Variants in PDE10A observed in about 807,000 individuals in gnomAD.
PDE10A encodes the protein phosphodiesterase 10A.
Under a neutral mutation model 97.7 loss-of-function variants are expected in PDE10A, and 39 were observed. That is an observed-to-expected ratio of 0.40 (90% CI 0.31 to 0.52). The LOEUF (loss-of-function observed/expected upper bound fraction) is 0.52. Among genes scored for constraint, PDE10A ranks in the 20% least tolerant of loss-of-function variants. The pLI, the probability that PDE10A is intolerant of heterozygous loss-of-function variation, is 0.56. For synonymous variants in PDE10A, 371 were observed against 376.8 expected, an observed-to-expected ratio of 0.98 and a Z score of 0.18; for missense variants, 731 against 1,047.8, an observed-to-expected ratio of 0.70 and a Z score of 4.17.
chr6:165,576,098 C>A (rs1051982939), intron 1 of PDE10A, among the ~76,000 whole-genome samples: 3 of 152,044 alleles, frequency 2.0e-5, no homozygotes, highest in Non-Finnish European at 4.4e-5. Context: ...TGTAACCCAC[C>A]CTATGAAAAA....
chr6:165,361,235 A>G lies in PDE10A; in HGVS notation c.2784-17733T>C. On this transcript the variant is annotated intron_variant, in intron 18 of 21. Transcript: ENST00000539869. ...AAAGACATGTACAGAGCACTCCACCAAACACCACAGAATATATATTCTTTT... is the reference window on the plus strand; with the variant it reads ...AAAGACATGTACAGAGCACTCCACCGAACACCACAGAATATATATTCTTTT... 2.0e-5 allele frequency among the ~76,000 whole-genome samples: 3 copies of G among 152,196 alleles called. No individual in the cohort carries two copies. In the East Asian group the frequency reaches 5.8e-4, roughly 29 times the overall value.
intron 3 of PDE10A, among the ~76,000 whole-genome samples, chr6:165,467,970 T>C (rs903010554): frequency 2.0e-5 from 3 of 152,196 alleles, no homozygotes; most frequent in Non-Finnish European, 4.4e-5. Flanking sequence ...TGCTGATACA[T>C]CAGAAGCCAT....
intron 20 of PDE10A, among the ~76,000 whole-genome samples, chr6:165,338,730 T>G (rs980273757): frequency 3.9e-5 from 6 of 152,152 alleles, no homozygotes; most frequent in African/African-American, 1.4e-4. Context: ...CCCCTCTATT[T>G]CAAGTCAGAA....
intron 16 of PDE10A, among the ~76,000 whole-genome samples, chr6:165,390,361 G>C (rs1052454130): frequency 2.0e-5 from 3 of 152,160 alleles, no homozygotes; most frequent in Non-Finnish European, 4.4e-5. Context: ...GTTGTTTTCA[G>C]AAAGAATGCG....
intron 1 of PDE10A, among the ~76,000 whole-genome samples, chr6:165,922,206 A>C (rs1562799299): frequency 6.6e-6 from 1 of 152,290 alleles, no homozygotes; most frequent in African/African-American, 2.4e-5. Context: ...GATTAAGAAA[A>C]AAATGCACAA....
intron 1 of PDE10A, among the ~76,000 whole-genome samples, chr6:165,952,210 C>T (rs112125726): frequency 3.2e-4 from 49 of 152,352 alleles, no homozygotes; most frequent in African/African-American, 1.2e-3. Context: ...CACCAGCAGC[C>T]CCCATGGCCT....
intron 3 of PDE10A, among the ~76,000 whole-genome samples, chr6:165,469,448 G>A (rs1422534067): frequency 3.9e-5 from 6 of 152,192 alleles, no homozygotes; most frequent in African/African-American, 1.4e-4. Context: ...GAGCAGCAAA[G>A]TTCCTGAAAA....
intron 18 of PDE10A, among the ~76,000 whole-genome samples, chr6:165,357,905 T>C (rs1310852977): frequency 1.3e-5 from 2 of 152,148 alleles, no homozygotes; most frequent in East Asian, 3.9e-4. Context: ...ACTCTTTTTT[T>C]CTAGCTGCTT....
intron 3 of PDE10A, among the ~76,000 whole-genome samples, chr6:165,455,017 T>C (rs1392571199): frequency 6.6e-6 from 1 of 152,136 alleles, no homozygotes; most frequent in Non-Finnish European, 1.5e-5. Flanking sequence ...ATAGCACAGA[T>C]CTTCCTCCTG....
intron 1 of PDE10A, among the ~76,000 whole-genome samples, chr6:165,827,440 T>C (rs1196470033): frequency 1.3e-5 from 2 of 152,176 alleles, no homozygotes; most frequent in African/African-American, 4.8e-5. Flanking sequence ...TGGTGGTCTC[T>C]CCAATTCAAC....
chr6:165,802,350 C>A (rs1319075977), intron 1 of PDE10A, among the ~76,000 whole-genome samples: 1 of 152,226 alleles, frequency 6.6e-6, no homozygotes, highest in African/African-American at 2.4e-5. Flanking sequence ...TATCCCCTGG[C>A]ATTCTTCAAC....
chr6:165,958,254 G>A (rs1583347283), intron 1 of PDE10A, among the ~76,000 whole-genome samples: 2 of 152,210 alleles, frequency 1.3e-5, no homozygotes, highest in East Asian at 3.9e-4. Context: ...CGCCAGGCAG[G>A]AGGTTTGAAC....
chr6:165,412,201 A>G (rs1226795186), intron 13 of PDE10A, among the ~76,000 whole-genome samples: 2 of 152,164 alleles, frequency 1.3e-5, no homozygotes, highest in African/African-American at 4.8e-5. Flanking sequence ...AGGGTAATTA[A>G]TAAAATAAAG....
At chr6:165,876,282 T>C (rs1422872664) in intron 1 of PDE10A, among the ~76,000 whole-genome samples, 1 of 152,224 alleles carries the variant, frequency 6.6e-6, no homozygotes, top group African/African-American at 2.4e-5. Flanking sequence ...AAACTCATCA[T>C]AGCTATTACC....
intron 1 of PDE10A, among the ~76,000 whole-genome samples, chr6:165,706,294 T>A (rs1022029395): frequency 2.6e-5 from 4 of 152,232 alleles, no homozygotes; most frequent in African/African-American, 9.6e-5. Flanking sequence ...GCCTTAATCC[T>A]ATGCTTACTA....
intron 1 of PDE10A, among the ~76,000 whole-genome samples, chr6:165,859,894 C>A (rs1780851071): frequency 6.6e-6 from 1 of 152,078 alleles, no homozygotes; most frequent in South Asian, 2.1e-4. Context: ...TCTCAGCAAC[C>A]TGGGTGGGAT....
intron 1 of PDE10A, among the ~76,000 whole-genome samples, chr6:165,599,031 C>T (rs1490553270): frequency 1.3e-5 from 2 of 152,198 alleles, no homozygotes; most frequent in African/African-American, 4.8e-5. Flanking sequence ...ACTTCCAGAT[C>T]AGCCTTAACT....
At chr6:165,862,927 G>A (rs1000742719) in intron 1 of PDE10A, among the ~76,000 whole-genome samples, 1 of 152,170 alleles carries the variant, frequency 6.6e-6, no homozygotes, top group East Asian at 1.9e-4. Flanking sequence ...TGATCTGCCC[G>A]CCTTTGCTTC....
At chr6:165,915,078 A>G (rs35305808) in intron 1 of PDE10A, among the ~76,000 whole-genome samples, 14,341 of 152,262 alleles carry the variant, frequency 0.094, 716 homozygotes, top group South Asian at 0.16. Flanking sequence ...GGGGCTTTCA[A>G]CAAATAGCAT....
Sources: gnomAD v4.1 joint callset for allele counts (sites outside exome capture counted in the v4.1 genomes callset) on GRCh38, gnomAD v4.1.1 for gene constraint, MANE v1.5 for transcripts, NCBI Gene and HGNC (gene_info 2026-07-23, HGNC 2026-07-21) for gene names.